The following TNFSF12 variants were observed in gnomAD, a reference collection of about 807,000 sequenced individuals.
TNFSF12 encodes the protein TNF superfamily member 12.
In TNFSF12, 16 loss-of-function variants were observed where a neutral mutation model predicts 31.2. That is an observed-to-expected ratio of 0.51 (90% CI 0.35 to 0.78). The LOEUF (loss-of-function observed/expected upper bound fraction) is 0.78. Ranked by LOEUF, TNFSF12 falls within the 30% of genes least tolerant of loss-of-function variation. The pLI is 0.01. For synonymous variants in TNFSF12, 150 were observed against 151.4 expected, an observed-to-expected ratio of 0.99 and a Z score of 0.07; for missense variants, 324 against 338.8, an observed-to-expected ratio of 0.96 and a Z score of 0.34.
chr17:7,556,508 C>T (rs1395464575), intron 5 of TNFSF12, among the ~76,000 whole-genome samples: 2 of 152,322 alleles, frequency 1.3e-5, no homozygotes, highest in Middle Eastern at 3.4e-3. Flanking sequence ...AATCCCCTCA[C>T]GCTTCTCCTT....
chr17:7,549,288 G>A lies in TNFSF12; in HGVS notation c.135G>A (p.Gly45=). The change falls in exon 1 of 7, where the codon GGG becomes GGA. Residue 45 remains glycine, a synonymous_variant. Transcript: ENST00000293825. This position sits in a 1 kb window ranked among gnomAD's most constrained non-coding sequence, Gnocchi z 4.1. Reference sequence around the variant, plus strand: ...TCCTGCTGGCCGTGGTCAGTTTGGGGAGCCGGGCATCGCTGTCCGCCCAGG... The same window carrying A: ...TCCTGCTGGCCGTGGTCAGTTTGGGAAGCCGGGCATCGCTGTCCGCCCAGG... The part of the protein sequence containing the change: ...LGLLLAVVSL[G]SRASLSAQEP... The A allele has an allele frequency of 7.2e-7, 1 of 1,398,382 alleles. No individual in the cohort carries two copies. The highest frequency in any genetic ancestry group is 9.3e-7 in the Non-Finnish European group (1 of 1,078,284). 86.6% of individuals were successfully genotyped at this position (1,398,382 alleles called of 1,614,324 possible). A position where few individuals can be genotyped will look rare whatever the true frequency, so the allele number is the denominator to read the frequency against.
rs372536541 is a variant in TNFSF12 at position 7,550,995 on chromosome 17, C to T, written c.373+17C>T. Reference sequence around the variant, plus strand: ...CGCAGGCAGGTGAGACCCCATCCCCCGACACAGCACTGGCCTCCTGGGAAA... The same window carrying T: ...CGCAGGCAGGTGAGACCCCATCCCCTGACACAGCACTGGCCTCCTGGGAAA... On this transcript the variant is annotated intron_variant, in intron 5 of 6. Transcript: ENST00000293825. This position sits in a 1 kb window ranked among gnomAD's most constrained non-coding sequence, Gnocchi z 4.4. The T allele has an allele frequency of 2.7e-5, 43 of 1,613,288 alleles. No homozygotes were observed. Among genetic ancestry groups the T allele is most frequent in the African/African-American group, 2.4e-4 (18 of 74,966 alleles).
In TNFSF12 at chr17:7,549,132, GC is replaced by G; in HGVS notation, c.-21del. The G allele has an allele frequency of 8.0e-7, 1 of 1,256,280 alleles. No homozygotes were observed. The highest frequency in any genetic ancestry group is 1.0e-6 in the Non-Finnish European group (1 of 1,001,940). The allele number at this position is 1,256,280 out of a possible 1,614,324, so 77.8% of individuals were successfully genotyped here. A position where few individuals can be genotyped will look rare whatever the true frequency, so the allele number is the denominator to read the frequency against. ...GGTCCCGGGATGGGGGGGCGGTGAG[GC>G]AGGCACAGCCCCCCGCCCCCATGGC... On this transcript the variant is annotated 5_prime_UTR_variant, in exon 1 of 7. Transcript: ENST00000293825. This position sits in a 1 kb window ranked among gnomAD's most constrained non-coding sequence, Gnocchi z 4.1.
At chr17:7,553,945 A>G in intron 5 of TNFSF12, 1 of 964,928 alleles carries the variant, frequency 1.0e-6, no homozygotes, top group Non-Finnish European at 1.3e-6. Context: ...CAAAATCTCA[A>G]CTTGCTGATT....
intron 5 of TNFSF12, among the ~76,000 whole-genome samples, chr17:7,552,194 C>T (rs1280850595): frequency 1.3e-5 from 2 of 152,152 alleles, no homozygotes; most frequent in African/African-American, 2.4e-5. Flanking sequence ...TAATTATTAA[C>T]GTTGAGAAGT....
Position 7,549,331 on chromosome 17 carries a change from C to A in TNFSF12, c.159+19C>A. 1 of 1,401,002 alleles carries A rather than the reference C, an allele frequency of 7.1e-7. No homozygotes were observed. The highest frequency in any genetic ancestry group is 9.3e-7 in the Non-Finnish European group (1 of 1,072,356). 86.8% of individuals were successfully genotyped at this position (1,401,002 alleles called of 1,614,324 possible). A position where few individuals can be genotyped will look rare whatever the true frequency, so the allele number is the denominator to read the frequency against. ...CGCCCAGGTGAGGCCCCGCTGCGCACCCCTTCTTGGGCACATCAGGAGCTG... is the reference window on the plus strand; with the variant it reads ...CGCCCAGGTGAGGCCCCGCTGCGCAACCCTTCTTGGGCACATCAGGAGCTG... On this transcript the variant is annotated intron_variant, in intron 1 of 6. Coordinates refer to ENST00000293825, the MANE Select transcript of TNFSF12 (RefSeq NM_003809.3). The surrounding 1 kb of genome is among the most constrained non-coding windows in gnomAD (Gnocchi z 4.1).
chr17:7,553,674 G>A, intron 5 of TNFSF12: 9 of 1,303,824 alleles, frequency 6.9e-6, no homozygotes, highest in Non-Finnish European at 9.1e-6. Context: ...CTGTGTACTG[G>A]ACATGGTCTG....
rs370085069 is a variant in TNFSF12, at chr17:7,550,157, C to A, written c.245C>A (p.Ala82Glu). Residue 82 changes from alanine (A) to glutamate (E), a missense_variant, in exon 3 of 7, where the codon GCG becomes GAG. By Grantham distance (107) the Ala-to-Glu change is moderately radical. Transcript: ENST00000293825. The surrounding 1 kb of genome is among the most constrained non-coding windows in gnomAD (Gnocchi z 4.4). ...CAGACAGAAGAAAGCCAGGATCCTG[C>A]GCCTTTCCTGAACCGACTAGTTCGG... Reference protein sequence around the residue: ...NPQTEESQDPAPFLNRLVRPR... With the variant: ...NPQTEESQDPEPFLNRLVRPR... 6.2e-7 allele frequency: 1 copy of A among 1,614,000 alleles called. No homozygotes were observed. Among genetic ancestry groups the A allele is most frequent in the Non-Finnish European group, 8.5e-7 (1 of 1,180,020 alleles).
intron 5 of TNFSF12, among the ~76,000 whole-genome samples, chr17:7,551,658 G>A (rs1192786924): frequency 2.0e-5 from 3 of 152,196 alleles, no homozygotes; most frequent in East Asian, 3.8e-4. Flanking sequence ...GAGGCATGAG[G>A]AGTGCTCAGC....
At chr17:7,553,748 G>C in intron 5 of TNFSF12, 1 of 1,234,218 alleles carries the variant, frequency 8.1e-7, no homozygotes, top group Non-Finnish European at 1.0e-6. Context: ...TCCAAAAAGG[G>C]GAGAGGGAAG....
intron 5 of TNFSF12, among the ~76,000 whole-genome samples, 184 bp downstream of exon 5, chr17:7,551,162 T>C (rs2070998028): frequency 6.6e-6 from 1 of 152,136 alleles, no homozygotes; most frequent in Admixed American, 6.6e-5. Flanking sequence ...TCCCCAGAAC[T>C]CTGCCCAGTT....
rs35844756 is a variant in TNFSF12, at chr17:7,557,097, AG to A, written c.499del. Reference sequence around the variant, plus strand: ...GGACTCGGCCTGTTGTCCCCACCCCAGGTGCACTTTGATGAGGGGAAGGCTG... The same window carrying A: ...GGACTCGGCCTGTTGTCCCCACCCCAGTGCACTTTGATGAGGGGAAGGCTG... On this transcript the variant is annotated splice_acceptor_variant, in intron 6 of 6. Transcript: ENST00000293825. LOFTEE classifies it high-confidence loss of function. This position sits in a 1 kb window ranked among gnomAD's most constrained non-coding sequence, Gnocchi z 5.2. 6.2e-7 allele frequency: 1 copy of A among 1,609,290 alleles called. No individual in the cohort carries two copies. The highest frequency in any genetic ancestry group is 8.5e-7 in the Non-Finnish European group (1 of 1,176,710).
In TNFSF12 at chr17:7,549,260, GC is replaced by G. The variant is rs1319644977; in HGVS notation, c.109del (p.Leu37SerfsTer35). 7.1e-7 allele frequency: 1 copy of G among 1,399,082 alleles called. No individual in the cohort carries two copies. Among genetic ancestry groups the G allele is most frequent in the Non-Finnish European group, 9.3e-7 (1 of 1,080,376 alleles). The allele number at this position is 1,399,082 out of a possible 1,614,324, so 86.7% of individuals were successfully genotyped here. On this transcript the variant is annotated frameshift_variant, in exon 1 of 7. Coordinates refer to ENST00000293825, the MANE Select transcript of TNFSF12 (RefSeq NM_003809.3). LOFTEE classifies it high-confidence loss of function. This position sits in a 1 kb window ranked among gnomAD's most constrained non-coding sequence, Gnocchi z 4.1. ...LGLGLALACL[G>X]LLLAVVSLGS... ...CTGGGCCTGGCGCTGGCCTGCCTCG[GC>G]CTCCTGCTGGCCGTGGTCAGTTTGG...
intron 5 of TNFSF12, among the ~76,000 whole-genome samples, chr17:7,553,198 C>T (rs963290362): frequency 2.0e-5 from 3 of 151,838 alleles, no homozygotes; most frequent in South Asian, 2.1e-4. Context: ...TACAGGCATG[C>T]GCCACCACGC....
At position 7,557,532 on chromosome 17, in the gene TNFSF12, T is replaced by TATATTACAACTCCCCCACCGCCCACTCTC; in HGVS notation, c.*184_*185insATTACAACTCCCCCACCGCCCACTCTCAT. 1 of 847,080 alleles carries TATATTACAACTCCCCCACCGCCCACTCTC rather than the reference T, an allele frequency of 1.2e-6. No individual in the cohort carries two copies. Among genetic ancestry groups the TATATTACAACTCCCCCACCGCCCACTCTC allele is most frequent in the Non-Finnish European group, 1.7e-6 (1 of 576,172 alleles). 52.5% of individuals were successfully genotyped at this position (847,080 alleles called of 1,614,324 possible). A position where few individuals can be genotyped will look rare whatever the true frequency, so the allele number is the denominator to read the frequency against. On this transcript the variant is annotated 3_prime_UTR_variant, in exon 7 of 7. Transcript: ENST00000293825. This position sits in a 1 kb window ranked among gnomAD's most constrained non-coding sequence, Gnocchi z 5.2. ...CACATAAATACAGTATTCCCACTCT[T>TATATTACAACTCCCCCACCGCCCACTCTC]ATCTTACAACTCCCCCACCGCCCAC...
In TNFSF12 at chr17:7,557,631, A is replaced by C; in HGVS notation, c.*281A>C. The C allele has an allele frequency of 4.7e-6, 2 of 429,820 alleles. No individual in the cohort carries two copies. Among genetic ancestry groups the C allele is most frequent in the South Asian group, 3.2e-5 (1 of 31,124 alleles). 26.6% of individuals were successfully genotyped at this position (429,820 alleles called of 1,614,324 possible). On this transcript the variant is annotated 3_prime_UTR_variant, in exon 7 of 7. Coordinates refer to ENST00000293825, the MANE Select transcript of TNFSF12 (RefSeq NM_003809.3). The surrounding 1 kb of genome is among the most constrained non-coding windows in gnomAD (Gnocchi z 5.2). Reference sequence around the variant, plus strand: ...GATCTCGACTCCCCCCTGGCCACAGACCCCCAGGGCATTGTGTTCACTGTA... The same window carrying C: ...GATCTCGACTCCCCCCTGGCCACAGCCCCCCAGGGCATTGTGTTCACTGTA...
At position 7,549,462 on chromosome 17, in the gene TNFSF12, C is replaced by G. The variant is rs1246352153; in HGVS notation, c.160-12C>G. 6.6e-7 allele frequency: 1 copy of G among 1,514,858 alleles called. No individual in the cohort carries two copies. The highest frequency in any genetic ancestry group is 8.9e-7 in the Non-Finnish European group (1 of 1,121,642). The allele number at this position is 1,514,858 out of a possible 1,614,324, so 93.8% of individuals were successfully genotyped here. On this transcript the variant is annotated splice_polypyrimidine_tract_variant and intron_variant, in intron 1 of 6. Transcript: ENST00000293825. The surrounding 1 kb of genome is among the most constrained non-coding windows in gnomAD (Gnocchi z 4.1). ...GGAGCGGCACAGGGTGACGCTCCCT[C>G]CTTCCCAGCAGGAGCCTGCCCAGGA... is the stretch of plus-strand genomic sequence containing the variant.
intron 5 of TNFSF12, among the ~76,000 whole-genome samples, chr17:7,553,329 A>G (rs1230296433): frequency 6.6e-6 from 1 of 152,156 alleles, no homozygotes; most frequent in African/African-American, 2.4e-5. Flanking sequence ...GATTACAAGC[A>G]TGAGCCACTG....
chr17:7,555,442 C>T (rs1426150824), intron 5 of TNFSF12, among the ~76,000 whole-genome samples: 4 of 152,036 alleles, frequency 2.6e-5, no homozygotes, highest in African/African-American at 2.4e-5. Context: ...GCTAGAGGAG[C>T]GAGATGGGGA....
Sources: allele counts gnomAD v4.1 joint callset (sites outside exome capture counted in the v4.1 genomes callset), GRCh38; gene constraint gnomAD v4.1.1; non-coding constraint Gnocchi (gnomAD v3.1); transcripts MANE v1.5; gene names NCBI Gene and HGNC (gene_info 2026-07-23, HGNC 2026-07-21).